The following PTDSS1 variants were observed in gnomAD, a reference collection of about 807,000 sequenced individuals.
PTDSS1 encodes the protein phosphatidylserine synthase 1.
A neutral mutation model predicts 70.5 loss-of-function variants in PTDSS1; 45 were observed. The observed-to-expected ratio is 0.64, with a 90% CI of 0.50 to 0.82. The LOEUF is 0.82. PTDSS1 is among the 40% of genes least tolerant of loss of function. PTDSS1 has a pLI of 0.00. For missense variants in PTDSS1, 417 were observed against 586.1 expected, an observed-to-expected ratio of 0.71 and a Z score of 2.98; for synonymous variants, 188 against 203.8, an observed-to-expected ratio of 0.92 and a Z score of 0.66.
At chr8:96,305,631 C>G (rs567217505) in intron 7 of PTDSS1, among the ~76,000 whole-genome samples, 1 of 152,154 alleles carries the variant, frequency 6.6e-6, no homozygotes, top group Non-Finnish European at 1.5e-5. Context: ...CTGTCCCAGG[C>G]GTGTGCTGCA....
At chr8:96,302,757 T>C (rs1337214367) in intron 6 of PTDSS1, among the ~76,000 whole-genome samples, 1 of 152,086 alleles carries the variant, frequency 6.6e-6, no homozygotes, top group Non-Finnish European at 1.5e-5. Context: ...AATTTTTGTA[T>C]TTTTAGTAGA....
rs1234318456 is a variant in PTDSS1 at position 96,335,564 on chromosome 8, T to G, written c.*1998T>G. The G allele has an allele frequency of 6.6e-6, 1 of 152,266 alleles. No homozygotes were observed. Among genetic ancestry groups the G allele is most frequent in the African/African-American group, 2.4e-5 (1 of 41,474 alleles). 9.4% of individuals were successfully genotyped at this position (152,266 alleles called of 1,614,324 possible). On this transcript the variant is annotated 3_prime_UTR_variant, in exon 13 of 13. Coordinates refer to ENST00000517309, the MANE Select transcript of PTDSS1 (RefSeq NM_014754.3). ...TCGCAGGTGGTGAATTCGACTTTAC[T>G]GTGGCATTGTGAAGAGCAGGGTGCA... is the stretch of plus-strand genomic sequence containing the variant.
At chr8:96,331,169 T>C in intron 12 of PTDSS1, 74 bp downstream of exon 12, 5 of 1,398,840 alleles carry the variant, frequency 3.6e-6, no homozygotes, top group Non-Finnish European at 5.1e-6. Flanking sequence ...ATTCTTTGAG[T>C]GGAGATGATA....
chr8:96,291,320 A>G (rs1045200242), intron 4 of PTDSS1, among the ~76,000 whole-genome samples: 4 of 152,234 alleles, frequency 2.6e-5, no homozygotes, highest in African/African-American at 7.2e-5. Context: ...GAGAGAATCT[A>G]TAACTTCATG....
chr8:96,271,522 T>G (rs1476126776), intron 1 of PTDSS1, among the ~76,000 whole-genome samples: 2 of 152,198 alleles, frequency 1.3e-5, no homozygotes, highest in Admixed American at 6.5e-5. Context: ...GGGATATATG[T>G]CATTTTTGCA....
intron 9 of PTDSS1, among the ~76,000 whole-genome samples, chr8:96,315,467 C>T (rs536993793): frequency 6.6e-6 from 1 of 152,292 alleles, no homozygotes; most frequent in African/African-American, 2.4e-5. Context: ...GCTCATACAC[C>T]CAGCTCACAC....
intron 1 of PTDSS1, among the ~76,000 whole-genome samples, chr8:96,271,918 T>C (rs568661862): frequency 3.3e-5 from 5 of 151,932 alleles, no homozygotes; most frequent in South Asian, 2.1e-4. Flanking sequence ...ATGAGTGAGG[T>C]TGACCATCTT....
chr8:96,276,074 T>C (rs913648558), intron 2 of PTDSS1, among the ~76,000 whole-genome samples: 3 of 152,234 alleles, frequency 2.0e-5, no homozygotes, highest in African/African-American at 7.2e-5. Flanking sequence ...CAAGGGTTAC[T>C]TTTTCGTGGC....
At chr8:96,296,673 C>CT (rs895169630) in intron 5 of PTDSS1, among the ~76,000 whole-genome samples, 7 of 152,186 alleles carry the variant, frequency 4.6e-5, no homozygotes, top group Non-Finnish European at 1.0e-4. Flanking sequence ...TTACATATGC[C>CT]TTCTAAGTCC....
intron 4 of PTDSS1, among the ~76,000 whole-genome samples, chr8:96,292,866 G>C (rs771771474): frequency 6.6e-6 from 1 of 152,212 alleles, no homozygotes; most frequent in African/African-American, 2.4e-5. Flanking sequence ...CTGCATGGCT[G>C]GGGGAGCTGA....
intron 4 of PTDSS1, among the ~76,000 whole-genome samples, chr8:96,293,753 T>C (rs1264639936): frequency 6.6e-6 from 1 of 152,248 alleles, no homozygotes; most frequent in African/African-American, 2.4e-5. Context: ...GTGATTACTT[T>C]AAGAGCAGCC....
rs142573707 is a variant in PTDSS1 at position 96,282,648 on chromosome 8, A to C, written c.272-1461A>C. On this transcript the variant is annotated intron_variant, in intron 2 of 12. Transcript: ENST00000517309. ...TGGGGGGTACTTGTAACTGATTTTC[A>C]TAATAAGAACTTGACTTATCAAAAG... Among the ~76,000 whole-genome samples, 730 of 152,340 alleles carry C rather than the reference A, an allele frequency of 4.8e-3. 2 individuals are homozygous for C. Among genetic ancestry groups the C allele is most frequent in the African/African-American group, 0.014 (585 of 41,582 alleles).
At position 96,262,004 on chromosome 8, in the gene PTDSS1, G is replaced by C. The variant is rs766323782; in HGVS notation, c.-37G>C. On this transcript the variant is annotated 5_prime_UTR_variant, in exon 1 of 13. Coordinates refer to ENST00000517309, the MANE Select transcript of PTDSS1 (RefSeq NM_014754.3). The surrounding 1 kb of genome is among the most constrained non-coding windows in gnomAD (Gnocchi z 4.4). Reference sequence around the variant, plus strand: ...CCGGGGTCCCGGCCTTCTCGGGCTGGGGCCGCCGCCACCGCGGCAGGACGG... The same window carrying C: ...CCGGGGTCCCGGCCTTCTCGGGCTGCGGCCGCCGCCACCGCGGCAGGACGG... 1.3e-6 allele frequency: 2 copies of C among 1,592,364 alleles called. No homozygotes were observed. Among genetic ancestry groups the C allele is most frequent in the South Asian group, 2.3e-5 (2 of 88,838 alleles).
chr8:96,291,795 T>C (rs759065147), intron 4 of PTDSS1, among the ~76,000 whole-genome samples: 2 of 152,190 alleles, frequency 1.3e-5, no homozygotes, highest in African/African-American at 2.4e-5. Context: ...AGGGGCTGGA[T>C]GAGATTCTAG....
intron 9 of PTDSS1, among the ~76,000 whole-genome samples, chr8:96,317,563 C>T (rs1439783422): frequency 1.3e-5 from 2 of 151,822 alleles, no homozygotes; most frequent in African/African-American, 2.4e-5. Flanking sequence ...GGTAAAACCC[C>T]GTCTCTACAA....
intron 8 of PTDSS1, among the ~76,000 whole-genome samples, chr8:96,308,125 T>G (rs1349633864): frequency 6.6e-6 from 1 of 152,222 alleles, no homozygotes; most frequent in African/African-American, 2.4e-5. Context: ...GTTTAGAGGC[T>G]TCAGTGTAAA....
At chr8:96,317,187 G>A (rs1811306936) in intron 9 of PTDSS1, among the ~76,000 whole-genome samples, 1 of 151,846 alleles carries the variant, frequency 6.6e-6, no homozygotes, top group African/African-American at 2.4e-5. Flanking sequence ...TGGCCTTCCA[G>A]GTCCATGTTA....
intron 9 of PTDSS1, among the ~76,000 whole-genome samples, chr8:96,312,462 CT>C (rs1198340447): frequency 0.075 from 10,359 of 138,438 alleles, 407 homozygotes; most frequent in African/African-American, 0.11. Flanking sequence ...CTGTCTCTCT[CT>C]TTTTTTTTTT....
intron 2 of PTDSS1, chr8:96,283,458 A>G (rs2130045429): frequency 6.6e-6 from 1 of 152,296 alleles, no homozygotes; most frequent in African/African-American, 2.4e-5. Context: ...CTTAAGGGAA[A>G]GTTTTGTCCT....
Sources: gnomAD v4.1 joint callset for allele counts (sites outside exome capture counted in the v4.1 genomes callset) on GRCh38, gnomAD v4.1.1 for gene constraint, Gnocchi (gnomAD v3.1) non-coding constraint, MANE v1.5 for transcripts, NCBI Gene and HGNC (gene_info 2026-07-23, HGNC 2026-07-21) for gene names.